RPS11: variants seen among roughly 807,000 people sequenced by gnomAD.
The protein encoded by RPS11 is small ribosomal subunit protein uS17.
For synonymous variants in RPS11, 107 were observed against 78.0 expected (o/e 1.37, Z -1.96); for missense variants, 127 against 211.4 (o/e 0.60, Z 2.48).
At chr19:49,497,162 C>A in intron 1 of RPS11, 32 bp from the exon 2 acceptor site, 1 of 1,609,498 alleles carries the variant, frequency 6.2e-7, no homozygotes, top group Non-Finnish European at 8.5e-7. Flanking sequence ...TCAAACTTAG[C>A]AGCTCATCAG....
At chr19:49,498,334 A>G in intron 4 of RPS11, 1 of 434,214 alleles carries the variant, frequency 2.3e-6, no homozygotes, top group Non-Finnish European at 4.3e-6. Flanking sequence ...CATTTGTTTC[A>G]TATACACCTT....
intron 3 of RPS11, 29 bp from the exon 4 acceptor site, chr19:49,497,888 C>A: frequency 6.2e-7 from 1 of 1,614,060 alleles, no homozygotes; most frequent in South Asian, 1.1e-5. Context: ...TCCCATGGGA[C>A]CTGACCTATG....
At chr19:49,497,059 C>A in intron 1 of RPS11, 135 bp from the exon 2 acceptor site, 1 of 965,654 alleles carries the variant, frequency 1.0e-6, no homozygotes, top group South Asian at 1.7e-5. Context: ...TTCTGGGGCA[C>A]CAGGCCTTGG....
intron 1 of RPS11, 75 bp from the exon 2 acceptor site, chr19:49,497,119 G>A: frequency 6.4e-7 from 1 of 1,567,418 alleles, no homozygotes; most frequent in South Asian, 1.1e-5. Flanking sequence ...GGGAGGTTCT[G>A]GGAAGGTCTC....
intron 4 of RPS11, 187 bp downstream of exon 4, chr19:49,498,233 C>T (rs2079917184): frequency 4.7e-6 from 3 of 636,144 alleles, no homozygotes; most frequent in Non-Finnish European, 8.1e-6. Context: ...GTGAATATCT[C>T]TACCTGAAAT....
chr19:49,499,501 T>C lies in RPS11; in HGVS notation c.354-11T>C, dbSNP rs777328029. 7 of 1,611,804 alleles carry C rather than the reference T, an allele frequency of 4.3e-6. No homozygotes were observed. In the Admixed American group the frequency reaches 6.7e-5, roughly 15 times the overall value. The stretch of plus-strand genomic sequence containing the variant: ...CCCCTCCTGAGGACATGGCCCTACC[T>C]GCCTCCACAGGGACGTCCAGATCGG... On this transcript the variant is annotated splice_polypyrimidine_tract_variant and intron_variant, in intron 4 of 4. Transcript: ENST00000270625.
chr19:49,496,754 G>T (rs1030558195), intron 1 of RPS11, among the ~76,000 whole-genome samples: 3 of 152,024 alleles, frequency 2.0e-5, no homozygotes, highest in Non-Finnish European at 4.4e-5. Flanking sequence ...GGTCTTCAGG[G>T]GTAATTCTGT....
intron 1 of RPS11, 73 bp from the exon 2 acceptor site, chr19:49,497,121 G>A: frequency 6.4e-7 from 1 of 1,573,582 alleles, no homozygotes; most frequent in East Asian, 2.2e-5. Context: ...GAGGTTCTGG[G>A]AAGGTCTCTA....
intron 4 of RPS11, among the ~76,000 whole-genome samples, chr19:49,498,624 C>T (rs1740415449): frequency 6.6e-6 from 1 of 152,106 alleles, no homozygotes; most frequent in South Asian, 2.1e-4. Context: ...GTAGCATGTG[C>T]CTGTAGTCTC....
chr19:49,499,195 T>TC (rs1224897635), intron 4 of RPS11, among the ~76,000 whole-genome samples: 1 of 152,020 alleles, frequency 6.6e-6, no homozygotes, highest in Non-Finnish European at 1.5e-5. Flanking sequence ...TGCTGCAGGA[T>TC]CCCCCTGCTG....
chr19:49,497,598 A>G lies in RPS11; in HGVS notation c.223+3A>G, dbSNP rs1432244354. On this transcript the variant is annotated splice_donor_region_variant and intron_variant, in intron 3 of 4. Coordinates refer to ENST00000270625, the MANE Select transcript of RPS11 (RefSeq NM_001015.5). ...CATTCGAGGGCGGATCCTCTCTGGT[A>G]AGTGCGGGAGTTACTGGTGTCTGGG... is the stretch of plus-strand genomic sequence containing the variant. 6.2e-7 allele frequency: 1 copy of G among 1,613,160 alleles called. No homozygotes were observed. The highest frequency in any genetic ancestry group is 8.5e-7 in the Non-Finnish European group (1 of 1,179,134).
At chr19:49,497,121 G>T in intron 1 of RPS11, 73 bp from the exon 2 acceptor site, 3 of 1,573,582 alleles carry the variant, frequency 1.9e-6, no homozygotes, top group South Asian at 2.3e-5. Context: ...GAGGTTCTGG[G>T]AAGGTCTCTA....
In RPS11 at chr19:49,497,921, G is replaced by T. The variant is rs1245675671; in HGVS notation, c.228G>T (p.Val76=). 2 of 1,614,112 alleles carry T rather than the reference G, an allele frequency of 1.2e-6. No individual in the cohort carries two copies. The highest frequency in any genetic ancestry group is 1.7e-5 in the Admixed American group (1 of 60,010). ...ATGATCGGCCCCCGCTCCTAGGCGT[G>T]GTGACCAAGATGAAGATGCAGAGGA... ...VSIRGRILSG[V]VTKMKMQRTI... The change falls in exon 4 of 5, where the codon GTG becomes GTT. Residue 76 remains valine, a synonymous_variant. Transcript: ENST00000270625.
chr19:49,498,213 G>A (rs1414919905), intron 4 of RPS11, 167 bp downstream of exon 4: 21 of 697,814 alleles, frequency 3.0e-5, no homozygotes, highest in South Asian at 1.9e-4. Flanking sequence ...GAATCAAAGC[G>A]TTCTACAGGG....
intron 4 of RPS11, 94 bp from the exon 5 acceptor site, chr19:49,499,418 C>T: frequency 7.2e-7 from 1 of 1,395,974 alleles, no homozygotes; most frequent in Non-Finnish European, 9.9e-7. Context: ...GGAGCCGAAG[C>T]AGAGAGCCTT....
At chr19:49,496,700 C>A (rs373283419) in intron 1 of RPS11, among the ~76,000 whole-genome samples, 3 of 152,152 alleles carry the variant, frequency 2.0e-5, no homozygotes, top group East Asian at 1.9e-4. Context: ...TTAGGACTTA[C>A]CTTCTTAAAA....
chr19:49,497,959 G>A lies in RPS11; in HGVS notation c.266G>A (p.Arg89His), dbSNP rs11549551. ...KMKMQRTIVIRRDYLHYIRKY... is the reference protein window; with the variant it reads ...KMKMQRTIVIHRDYLHYIRKY... The stretch of plus-strand genomic sequence containing the variant: ...AAGATGCAGAGGACCATTGTCATCC[G>A]CCGAGACTATCTGCACTACATCCGC... The change falls in exon 4 of 5, where the codon CGC becomes CAC. Residue 89 changes from arginine to histidine, a missense_variant. Coordinates refer to ENST00000270625, the MANE Select transcript of RPS11 (RefSeq NM_001015.5). The A allele has an allele frequency of 3.7e-6, 6 of 1,613,948 alleles. No individual in the cohort carries two copies. Among genetic ancestry groups the A allele is most frequent in the Non-Finnish European group, 5.1e-6 (6 of 1,179,998 alleles).
At chr19:49,499,442 G>A in intron 4 of RPS11, 70 bp from the exon 5 acceptor site, 2 of 1,549,282 alleles carry the variant, frequency 1.3e-6, no homozygotes, top group East Asian at 2.3e-5. Context: ...CCTGGTGAAG[G>A]GGAGGGAGGG....
chr19:49,497,825 C>T (rs1029549465), intron 3 of RPS11, 92 bp from the exon 4 acceptor site: 2 of 1,566,792 alleles, frequency 1.3e-6, no homozygotes, highest in African/African-American at 1.4e-5. Flanking sequence ...TTTGGGATCC[C>T]TGCTCAGCTG....
Sources: gnomAD v4.1 joint callset for allele counts (sites outside exome capture counted in the v4.1 genomes callset) on GRCh38, gnomAD v4.1.1 for gene constraint, MANE v1.5 for transcripts, NCBI Gene and HGNC (gene_info 2026-07-23, HGNC 2026-07-21) for gene names.